ZNF521: variants seen among roughly 807,000 people sequenced by gnomAD.
The protein encoded by ZNF521 is zinc finger protein 521.
A neutral mutation model predicts 105.5 loss-of-function variants in ZNF521; 14 were observed. That is an observed-to-expected ratio of 0.13 (90% CI 0.09 to 0.21). The LOEUF (loss-of-function observed/expected upper bound fraction) is 0.21, where lower values mean the gene tolerates loss of function less well. Ranked by LOEUF, ZNF521 falls within the 10% of genes least tolerant of loss-of-function variation. ZNF521 has a pLI of 1.00. For missense variants in ZNF521, 1,233 were observed against 1,629.7 expected (o/e 0.76, Z 4.19); for synonymous variants, 635 against 606.0 (o/e 1.05, Z -0.70).
At chr18:25,285,630 C>T (rs7227610) in intron 3 of ZNF521, among the ~76,000 whole-genome samples, 5,388 of 152,230 alleles carry the variant, frequency 0.035, 147 homozygotes, top group East Asian at 0.082. Context: ...CCCCCTCACA[C>T]GTACCTCTAT....
At chr18:25,234,873 C>T (rs1456555314) in intron 3 of ZNF521, among the ~76,000 whole-genome samples, 1 of 151,676 alleles carries the variant, frequency 6.6e-6, no homozygotes, top group Non-Finnish European at 1.5e-5. Flanking sequence ...TACTATTTAA[C>T]AATATTATTT....
At chr18:25,334,358 C>T (rs1349316381) in intron 2 of ZNF521, among the ~76,000 whole-genome samples, 20 of 152,078 alleles carry the variant, frequency 1.3e-4, no homozygotes, top group Admixed American at 6.6e-5. Flanking sequence ...TGGTTTATGA[C>T]GAGTCTTGGC....
At chr18:25,210,645 C>T (rs895566736) in intron 4 of ZNF521, among the ~76,000 whole-genome samples, 2 of 152,110 alleles carry the variant, frequency 1.3e-5, no homozygotes, top group East Asian at 1.9e-4. Context: ...ATGCTTCCTT[C>T]TTTGCTTCAT....
chr18:25,190,270 C>T (rs1440655801), intron 5 of ZNF521, among the ~76,000 whole-genome samples: 1 of 151,984 alleles, frequency 6.6e-6, no homozygotes, highest in Non-Finnish European at 1.5e-5. Context: ...AAAAAGGGTT[C>T]AGTCATCTTC....
chr18:25,260,023 G>A (rs1433090742), intron 3 of ZNF521, among the ~76,000 whole-genome samples: 1 of 152,064 alleles, frequency 6.6e-6, no homozygotes, highest in Non-Finnish European at 1.5e-5. Context: ...TTCTGCACAG[G>A]CAAATTATGT....
chr18:25,129,429 A>T (rs1041362385), intron 5 of ZNF521, among the ~76,000 whole-genome samples: 1 of 152,016 alleles, frequency 6.6e-6, no homozygotes, highest in Non-Finnish European at 1.5e-5. Context: ...GTTTGGCAAT[A>T]AATTTTTAGA....
intron 4 of ZNF521, among the ~76,000 whole-genome samples, chr18:25,222,002 C>T (rs534349433): frequency 2.0e-5 from 3 of 151,938 alleles, no homozygotes; most frequent in Middle Eastern, 3.4e-3. Flanking sequence ...TTAAAAATGG[C>T]GATAGTAACG....
At chr18:25,267,543 G>C (rs1909355540) in intron 3 of ZNF521, among the ~76,000 whole-genome samples, 1 of 152,160 alleles carries the variant, frequency 6.6e-6, no homozygotes, top group Non-Finnish European at 1.5e-5. Flanking sequence ...ATTGGCATCT[G>C]GTGGGTGACC....
intron 3 of ZNF521, chr18:25,302,126 T>A (rs990984595): frequency 6.6e-6 from 1 of 151,986 alleles, no homozygotes; most frequent in Non-Finnish European, 1.5e-5. Context: ...AGAATCCAAT[T>A]GAAAAGCTCT....
At chr18:25,097,347 C>T (rs2033873778) in intron 5 of ZNF521, among the ~76,000 whole-genome samples, 1 of 152,142 alleles carries the variant, frequency 6.6e-6, no homozygotes, top group Non-Finnish European at 1.5e-5. Flanking sequence ...ATGACTTAGG[C>T]TTCAAAGTCT....
At position 25,246,306 on chromosome 18, in the gene ZNF521, T is replaced by G. The variant is rs1472862935; in HGVS notation, c.221-18609A>C. On this transcript the variant is annotated intron_variant, in intron 3 of 7. Transcript: ENST00000361524. The stretch of plus-strand genomic sequence containing the variant: ...TTTAAAATAGCTATAAATGAGTTTG[T>G]TGCTCAAAAGCTATTACACTTCATA... Among the ~76,000 whole-genome samples the G allele has an allele frequency of 3.9e-5, 6 of 152,242 alleles. No homozygotes were observed. In the East Asian group the frequency reaches 1.2e-3, roughly 29 times the overall value.
At chr18:25,194,688 T>C (rs2035874072) in intron 5 of ZNF521, among the ~76,000 whole-genome samples, 1 of 151,762 alleles carries the variant, frequency 6.6e-6, no homozygotes, top group African/African-American at 2.4e-5. Context: ...AAACCATACA[T>C]ATAAAACTAT....
chr18:25,340,036 A>G (rs1488422425), intron 2 of ZNF521, among the ~76,000 whole-genome samples: 2 of 152,184 alleles, frequency 1.3e-5, no homozygotes, highest in African/African-American at 4.8e-5. Context: ...GTGGCTAGTC[A>G]AACTAAATTA....
chr18:25,271,934 G>A (rs1185262899), intron 3 of ZNF521, among the ~76,000 whole-genome samples: 1 of 152,168 alleles, frequency 6.6e-6, no homozygotes, highest in African/African-American at 2.4e-5. Flanking sequence ...AAACTAAAGA[G>A]CTTCTGCAAT....
At chr18:25,313,142 T>A (rs987177288) in intron 3 of ZNF521, among the ~76,000 whole-genome samples, 5 of 152,202 alleles carry the variant, frequency 3.3e-5, no homozygotes, top group Non-Finnish European at 7.3e-5. Context: ...CAGACCTTCC[T>A]GAGAGCAAGG....
At chr18:25,247,400 C>G (rs986504255) in intron 3 of ZNF521, among the ~76,000 whole-genome samples, 1 of 152,106 alleles carries the variant, frequency 6.6e-6, no homozygotes, top group African/African-American at 2.4e-5. Context: ...TGTACAAATG[C>G]AAACATTTGT....
chr18:25,083,159 T>A (rs1390942080), intron 7 of ZNF521, among the ~76,000 whole-genome samples: 1 of 152,202 alleles, frequency 6.6e-6, no homozygotes, highest in African/African-American at 2.4e-5. Flanking sequence ...TGTATTAGTT[T>A]GGAATACATT....
intron 5 of ZNF521, among the ~76,000 whole-genome samples, chr18:25,110,304 G>A (rs1468364984): frequency 6.6e-6 from 1 of 152,246 alleles, no homozygotes; most frequent in Non-Finnish European, 1.5e-5. Flanking sequence ...CGGGACTGAG[G>A]AGGTGAGGAG....
At position 25,116,912 on chromosome 18, in the gene ZNF521, CGT is replaced by C. The variant is rs538514522; in HGVS notation, c.3659-24833_3659-24832del. ...ACGTATATATATATGTGTATATATA[CGT>C]ATATCTATGTATATATATACGTATA... On this transcript the variant is annotated intron_variant, in intron 5 of 7. Coordinates refer to ENST00000361524, the MANE Select transcript of ZNF521 (RefSeq NM_015461.3). 6.3e-3 allele frequency among the ~76,000 whole-genome samples: 823 copies of C among 130,936 alleles called. 2 individuals carry two copies. Among genetic ancestry groups the C allele is most frequent in the Non-Finnish European group, 9.6e-3 (626 of 64,912 alleles). 85.9% of individuals were successfully genotyped at this position (130,936 alleles called of 152,430 possible). A position where few individuals can be genotyped will look rare whatever the true frequency, so the allele number is the denominator to read the frequency against.
Sources: allele counts gnomAD v4.1 joint callset (sites outside exome capture counted in the v4.1 genomes callset), GRCh38; gene constraint gnomAD v4.1.1; transcripts MANE v1.5; gene names NCBI Gene and HGNC (gene_info 2026-07-23, HGNC 2026-07-21).